TMEM132C: variants seen among roughly 807,000 people sequenced by gnomAD.
TMEM132C encodes protein phosphatase 1, regulatory subunit 152.
In TMEM132C, 29 loss-of-function variants were observed where a neutral mutation model predicts 61.4. The observed-to-expected ratio is 0.47, with a 90% CI of 0.35 to 0.64. The LOEUF (loss-of-function observed/expected upper bound fraction) is 0.64, where lower values mean the gene tolerates loss of function less well. TMEM132C is among the 30% of genes least tolerant of loss of function. The pLI is 0.00. For missense variants in TMEM132C, 1,408 were observed against 1,476.9 expected (o/e 0.95, Z 0.76); for synonymous variants, 656 against 633.1 (o/e 1.04, Z -0.54).
At chr12:128,380,365 C>T (rs1202027933) in intron 1 of TMEM132C, among the ~76,000 whole-genome samples, 1 of 152,246 alleles carries the variant, frequency 6.6e-6, no homozygotes, top group Non-Finnish European at 1.5e-5. Context: ...AGTGCCTGCC[C>T]TTCCGCCTCC....
chr12:128,651,132 C>T (rs1954264633), intron 4 of TMEM132C, among the ~76,000 whole-genome samples: 1 of 152,220 alleles, frequency 6.6e-6, no homozygotes, highest in Non-Finnish European at 1.5e-5. Context: ...CTTGGGGTTT[C>T]TACCCACTTC....
chr12:128,619,377 A>G (rs1369391432), intron 4 of TMEM132C, among the ~76,000 whole-genome samples: 3 of 152,178 alleles, frequency 2.0e-5, no homozygotes, highest in African/African-American at 7.2e-5. Flanking sequence ...CCCGTCACCT[A>G]CTGCCTCTGA....
intron 1 of TMEM132C, among the ~76,000 whole-genome samples, chr12:128,359,790 C>G (rs552985791): frequency 5.3e-5 from 8 of 152,226 alleles, no homozygotes; most frequent in African/African-American, 1.9e-4. Flanking sequence ...GTTGGTGTTA[C>G]TCATCAAGTA....
Position 128,705,929 on chromosome 12 carries a change from G to A in TMEM132C, c.2961G>A (p.Ala987=), listed in dbSNP as rs3812792. Reference sequence around the variant, plus strand: ...AACTCCTGGAGAGCATGGGGGATGCGCCGCCGCCCCAGGACGAGCACACCA... The same window carrying A: ...AACTCCTGGAGAGCATGGGGGATGCACCGCCGCCCCAGGACGAGCACACCA... ...EAELLESMGD[A]PPPQDEHTTI... Residue 987 remains alanine (A), a synonymous_variant, in exon 9 of 9, where the codon GCG becomes GCA. Transcript: ENST00000435159. 0.54 allele frequency: 837,293 copies of A among 1,551,114 alleles called. 231,243 individuals are homozygous for A. Among genetic ancestry groups the A allele is most frequent in the Admixed American group, 0.66 (33,713 of 50,970 alleles).
chr12:128,626,282 A>C (rs909309733), intron 4 of TMEM132C, among the ~76,000 whole-genome samples: 9 of 147,176 alleles, frequency 6.1e-5, no homozygotes, highest in African/African-American at 2.3e-4. Context: ...GCTCACCACC[A>C]CGCCCAGCTA....
At chr12:128,604,909 A>AATGGATGG (rs1237303175) in intron 3 of TMEM132C, among the ~76,000 whole-genome samples, 1 of 150,530 alleles carries the variant, frequency 6.6e-6, no homozygotes, top group Admixed American at 6.6e-5. Context: ...TGGATGGTTG[A>AATGGATGG]ATGGATGGAT....
chr12:128,593,156 C>T (rs950280206), intron 3 of TMEM132C, among the ~76,000 whole-genome samples: 6 of 151,466 alleles, frequency 4.0e-5, no homozygotes, highest in African/African-American at 1.5e-4. Flanking sequence ...TCTCTCCTCT[C>T]TCCTTCCCTC....
chr12:128,679,142 C>T (rs937426310), intron 5 of TMEM132C, among the ~76,000 whole-genome samples: 1 of 152,192 alleles, frequency 6.6e-6, no homozygotes, highest in African/African-American at 2.4e-5. Context: ...CAATAATTGT[C>T]AGGTAGCACT....
chr12:128,428,364 G>A (rs1281451726), intron 2 of TMEM132C, among the ~76,000 whole-genome samples: 1 of 152,094 alleles, frequency 6.6e-6, no homozygotes, highest in African/African-American at 2.4e-5. Flanking sequence ...TCCTTCTCCT[G>A]CTGGTTCTCT....
At chr12:128,395,189 TTTAA>T (rs543380724) in intron 1 of TMEM132C, among the ~76,000 whole-genome samples, 142 of 150,340 alleles carry the variant, frequency 9.4e-4, no homozygotes, top group East Asian at 1.7e-3. Flanking sequence ...CTAAATCATA[TTTAA>T]TTAAATATAT....
intron 1 of TMEM132C, among the ~76,000 whole-genome samples, chr12:128,290,447 C>T (rs963307994): frequency 2.0e-5 from 3 of 152,224 alleles, no homozygotes; most frequent in Admixed American, 6.5e-5. Context: ...GATCCATTCA[C>T]CCCCGACCAG....
chr12:128,705,699 A>G lies in TMEM132C; in HGVS notation c.2731A>G (p.Asn911Asp). 2.6e-6 allele frequency: 4 copies of G among 1,551,428 alleles called. No homozygotes were observed. The highest frequency in any genetic ancestry group is 3.5e-6 in the Non-Finnish European group (4 of 1,146,954). ...CAAGGCCGGGAGTGGGCTGGAGGAA[A>G]ACGACCTGGTGCAGACTCCGCGGGG... ...LPKAGSGLEE[N>D]DLVQTPRGLS... The change falls in exon 9 of 9, where the codon AAC (asparagine) becomes GAC (aspartate). Residue 911 changes from asparagine to aspartate, a missense_variant. By Grantham distance (23) the Asn-to-Asp change is conservative. Transcript: ENST00000435159.
intron 4 of TMEM132C, among the ~76,000 whole-genome samples, chr12:128,661,925 T>C (rs1954394967): frequency 6.6e-6 from 1 of 152,350 alleles, no homozygotes; most frequent in African/African-American, 2.4e-5. Context: ...ATATTTTCTT[T>C]ACATAAATAT....
intron 1 of TMEM132C, among the ~76,000 whole-genome samples, chr12:128,329,433 C>A (rs1198851423): frequency 6.6e-6 from 1 of 152,012 alleles, no homozygotes; most frequent in Non-Finnish European, 1.5e-5. Context: ...AGGCTGAAGG[C>A]GTGTGGTAAA....
At chr12:128,316,314 C>A (rs1872151798) in intron 1 of TMEM132C, among the ~76,000 whole-genome samples, 1 of 152,140 alleles carries the variant, frequency 6.6e-6, no homozygotes, top group South Asian at 2.1e-4. Flanking sequence ...GCATTGCTGG[C>A]AAAACCACTG....
chr12:128,331,627 A>G (rs1481099964), intron 1 of TMEM132C, among the ~76,000 whole-genome samples: 2 of 152,182 alleles, frequency 1.3e-5, no homozygotes, highest in Non-Finnish European at 2.9e-5. Context: ...GTAGTATTCC[A>G]TTGTATATAT....
At chr12:128,356,927 T>C (rs1873524597) in intron 1 of TMEM132C, among the ~76,000 whole-genome samples, 1 of 152,170 alleles carries the variant, frequency 6.6e-6, no homozygotes, top group Non-Finnish European at 1.5e-5. Flanking sequence ...CCAAGATAAA[T>C]ATGGGAGACG....
chr12:128,528,639 G>C (rs184223862), intron 2 of TMEM132C, among the ~76,000 whole-genome samples: 1 of 152,160 alleles, frequency 6.6e-6, no homozygotes, highest in African/African-American at 2.4e-5. Flanking sequence ...ACTGTCCTGT[G>C]TATTGTAGGT....
intron 1 of TMEM132C, among the ~76,000 whole-genome samples, chr12:128,334,618 C>A (rs149054662): frequency 6.8e-6 from 1 of 146,002 alleles, no homozygotes; most frequent in East Asian, 2.0e-4. Flanking sequence ...TTTTTTGAGA[C>A]GGTGTCTTGC....
Sources: allele counts gnomAD v4.1 joint callset (sites outside exome capture counted in the v4.1 genomes callset), GRCh38; gene constraint gnomAD v4.1.1; transcripts MANE v1.5; gene names NCBI Gene and HGNC (gene_info 2026-07-23, HGNC 2026-07-21).